Variants in PCDHGB2 observed in about 807,000 individuals in gnomAD.
PCDHGB2 encodes protocadherin gamma-B2.
A neutral mutation model predicts 59.3 loss-of-function variants in PCDHGB2; 55 were observed. The observed-to-expected ratio is 0.93, with a 90% confidence interval of 0.75 to 1.16. The LOEUF is 1.16. PCDHGB2 is among the 50% of genes most tolerant of loss of function. The pLI is 0.00. For synonymous variants in PCDHGB2, 516 were observed against 512.0 expected (o/e 1.01, Z -0.11); for missense variants, 1,228 against 1,198.5 (o/e 1.02, Z -0.36).
chr5:141,383,028 C>A (rs1561593921), intron 1 of PCDHGB2: 23 of 1,613,814 alleles, frequency 1.4e-5, no homozygotes, highest in Non-Finnish European at 1.9e-5. Flanking sequence ...ACAAAGGGTC[C>A]TTTGTGGGAG....
chr5:141,371,361 G>C, intron 1 of PCDHGB2: 1 of 1,613,976 alleles, frequency 6.2e-7, no homozygotes, highest in Non-Finnish European at 8.5e-7. Context: ...GGAAGCAAAG[G>C]ATGGTGGACA....
At chr5:141,436,752 A>G (rs2097844842) in intron 1 of PCDHGB2, among the ~76,000 whole-genome samples, 2 of 152,194 alleles carry the variant, frequency 1.3e-5, no homozygotes, top group South Asian at 4.1e-4. Context: ...GCTTCTCCAT[A>G]TGGTATAATG....
intron 1 of PCDHGB2, chr5:141,400,090 A>G: frequency 6.2e-7 from 1 of 1,614,064 alleles, no homozygotes; most frequent in Non-Finnish European, 8.5e-7. Context: ...CGCCACCGCC[A>G]CGCTGCACTT....
chr5:141,420,789 C>G (rs1403213574), intron 1 of PCDHGB2, among the ~76,000 whole-genome samples: 2 of 152,198 alleles, frequency 1.3e-5, no homozygotes, highest in Non-Finnish European at 2.9e-5. Flanking sequence ...ATTTTGAAAA[C>G]TTTTTAAAAA....
chr5:141,487,818 G>T lies in PCDHGB2; in HGVS notation c.2422-6989G>T, dbSNP rs1009237001. The T allele has an allele frequency of 1.2e-5, 16 of 1,331,602 alleles. No homozygotes were observed. Among genetic ancestry groups the T allele is most frequent in the Non-Finnish European group, 1.4e-5 (14 of 970,528 alleles). The allele number at this position is 1,331,602 out of a possible 1,614,324, so 82.5% of individuals were successfully genotyped here. On this transcript the variant is annotated intron_variant, in intron 1 of 3. Transcript: ENST00000522605. This position sits in a 1 kb window ranked among gnomAD's most constrained non-coding sequence, Gnocchi z 5.0. Reference sequence around the variant, plus strand: ...GAGTTGTCACAGTTTAGCATTGGGGGCGGGTCATGCCTATATCTGAGTAAG... The same window carrying T: ...GAGTTGTCACAGTTTAGCATTGGGGTCGGGTCATGCCTATATCTGAGTAAG...
At chr5:141,464,137 C>T (rs1015442185) in intron 1 of PCDHGB2, among the ~76,000 whole-genome samples, 9 of 151,928 alleles carry the variant, frequency 5.9e-5, no homozygotes, top group Non-Finnish European at 7.4e-5. Context: ...TGGTGGTGGG[C>T]GCCTGTAGTC....
intron 1 of PCDHGB2, among the ~76,000 whole-genome samples, chr5:141,444,359 C>T (rs942218966): frequency 7.9e-5 from 12 of 151,582 alleles, no homozygotes; most frequent in East Asian, 7.7e-4. Context: ...TTAGTAGAGA[C>T]GGGGTTTCTC....
At chr5:141,433,358 C>CCTATCTATCTAT (rs3074541) in intron 1 of PCDHGB2, 6,701 of 503,954 alleles carry the variant, frequency 0.013, 75 homozygotes, top group East Asian at 0.016. Context: ...CTACTGTCTG[C>CCTATCTATCTAT]CTATCTATCT....
chr5:141,478,146 T>C (rs1457995929), intron 1 of PCDHGB2: 1 of 1,613,978 alleles, frequency 6.2e-7, no homozygotes, highest in Non-Finnish European at 8.5e-7. Context: ...CGAGCCGAGT[T>C]CCCCTCTGGC....
chr5:141,385,529 T>G (rs568078652), intron 1 of PCDHGB2: 1 of 1,354,768 alleles, frequency 7.4e-7, no homozygotes, highest in South Asian at 2.0e-5. Context: ...TGGACAAGAT[T>G]ATGAATATGT....
intron 1 of PCDHGB2, chr5:141,478,217 G>A: frequency 2.5e-6 from 4 of 1,614,094 alleles, no homozygotes. Flanking sequence ...TCTAATCCTG[G>A]TTTCTGTGGG....
intron 1 of PCDHGB2, among the ~76,000 whole-genome samples, chr5:141,457,293 T>A (rs2098916185): frequency 6.6e-6 from 1 of 152,226 alleles, no homozygotes; most frequent in Admixed American, 6.5e-5. Context: ...TTCCTTGGTT[T>A]TATTTTCCCA....
chr5:141,500,144 C>T (rs2099796717), intron 2 of PCDHGB2, among the ~76,000 whole-genome samples: 1 of 151,426 alleles, frequency 6.6e-6, no homozygotes, highest in South Asian at 2.1e-4. Context: ...CTAAACTTTT[C>T]TTTGTGTAAT....
At chr5:141,405,543 C>T (rs1027086926) in intron 1 of PCDHGB2, 27 of 634,834 alleles carry the variant, frequency 4.3e-5, no homozygotes, top group Non-Finnish European at 7.1e-5. Flanking sequence ...CCTCAGCCTC[C>T]CAAGTAGAGT....
chr5:141,404,800 C>G (rs369141362), intron 1 of PCDHGB2: 3 of 1,613,970 alleles, frequency 1.9e-6, no homozygotes, highest in Middle Eastern at 1.6e-4. Context: ...AGCCAGGGCT[C>G]TTCTCGGTGG....
At chr5:141,383,857 C>T (rs1779530315) in intron 1 of PCDHGB2, 2 of 1,613,810 alleles carry the variant, frequency 1.2e-6, no homozygotes, top group Non-Finnish European at 1.7e-6. Context: ...AATGGAGGTT[C>T]AGGCTCAAGA....
rs370995300 is a variant in PCDHGB2, at chr5:141,399,359, C to T, written c.2421+36803C>T. ...GATGGAACCCTAGACCGAGAGCAAACCCCGGAGTACAATGTCACCATCACA... is the reference window on the plus strand; with the variant it reads ...GATGGAACCCTAGACCGAGAGCAAATCCCGGAGTACAATGTCACCATCACA... On this transcript the variant is annotated intron_variant, in intron 1 of 3. Coordinates refer to ENST00000522605, the MANE Select transcript of PCDHGB2 (RefSeq NM_018923.3). 2.6e-4 allele frequency: 427 copies of T among 1,613,884 alleles called. No individual in the cohort carries two copies. The highest frequency in any genetic ancestry group is 1.2e-4 in the Non-Finnish European group (140 of 1,179,916).
At chr5:141,445,895 A>C (rs930350527) in intron 1 of PCDHGB2, among the ~76,000 whole-genome samples, 1 of 152,212 alleles carries the variant, frequency 6.6e-6, no homozygotes, top group Admixed American at 6.5e-5. Context: ...GGAGCTATTA[A>C]AATATTTTAA....
chr5:141,395,305 A>G, intron 1 of PCDHGB2: 1 of 1,514,986 alleles, frequency 6.6e-7, no homozygotes. Flanking sequence ...TATGTTTTGA[A>G]AAACATTGTG....
Sources: allele counts gnomAD v4.1 joint callset (sites outside exome capture counted in the v4.1 genomes callset), GRCh38; gene constraint gnomAD v4.1.1; non-coding constraint Gnocchi (gnomAD v3.1); transcripts MANE v1.5; gene names NCBI Gene and HGNC (gene_info 2026-07-23, HGNC 2026-07-21).